Variants in RBMS1 observed in about 807,000 individuals in gnomAD.
RBMS1 encodes RNA-binding motif, single-stranded-interacting protein 1.
RBMS1 carries 17 observed loss-of-function variants against 62.3 expected under a neutral mutation model. The observed-to-expected ratio is 0.27, with a 90% CI of 0.19 to 0.41. RBMS1 has a LOEUF of 0.41. Among genes scored for constraint, RBMS1 ranks in the 10% least tolerant of loss-of-function variants. The pLI is 1.00. For missense variants in RBMS1, 334 were observed against 504.5 expected (o/e 0.66, Z 3.24); for synonymous variants, 172 against 170.0 (o/e 1.01, Z -0.09).
At chr2:160,337,300 A>T (rs1691633905) in intron 2 of RBMS1, among the ~76,000 whole-genome samples, 1 of 151,724 alleles carries the variant, frequency 6.6e-6, no homozygotes, top group South Asian at 2.1e-4. Context: ...CAGCTGGCTA[A>T]TTTTTTGTAT....
chr2:160,474,511 T>A (rs1174849179), intron 1 of RBMS1, among the ~76,000 whole-genome samples: 2 of 152,172 alleles, frequency 1.3e-5, no homozygotes, highest in Non-Finnish European at 2.9e-5. Context: ...AAACACCACC[T>A]CTCAATAGGA....
intron 1 of RBMS1, among the ~76,000 whole-genome samples, chr2:160,381,220 G>C (rs1469230738): frequency 6.6e-6 from 1 of 151,930 alleles, no homozygotes; most frequent in African/African-American, 2.4e-5. Flanking sequence ...TAAAACACTG[G>C]GAACAATGTT....
intron 1 of RBMS1, among the ~76,000 whole-genome samples, chr2:160,377,198 A>C (rs1694047366): frequency 6.6e-6 from 1 of 152,190 alleles, no homozygotes; most frequent in Non-Finnish European, 1.5e-5. Context: ...ACTGAAACGT[A>C]AGTTTTGTGA....
chr2:160,451,152 G>C (rs973074933), intron 1 of RBMS1, among the ~76,000 whole-genome samples: 7 of 112,464 alleles, frequency 6.2e-5, no homozygotes, highest in African/African-American at 2.0e-4. Context: ...GCAAGACCAT[G>C]CTTCAGAAAA....
chr2:160,427,945 T>G (rs1453865447), intron 1 of RBMS1, among the ~76,000 whole-genome samples: 2 of 152,138 alleles, frequency 1.3e-5, no homozygotes, highest in Non-Finnish European at 1.5e-5. Flanking sequence ...GAAATGCAAA[T>G]TCACTTTCAT....
At chr2:160,285,170 T>C in intron 7 of RBMS1, 126 bp from the exon 8 acceptor site, 1 of 872,358 alleles carries the variant, frequency 1.1e-6, no homozygotes, top group Non-Finnish European at 1.9e-6. Flanking sequence ...GGTGGGAAGA[T>C]CCTTTTGAAG....
At position 160,376,110 on chromosome 2, in the gene RBMS1, T is replaced by C. The variant is rs552103917; in HGVS notation, c.76-8719A>G. Among the ~76,000 whole-genome samples the C allele has an allele frequency of 3.3e-5, 5 of 152,286 alleles. No individual in the cohort carries two copies. The South Asian group carries it at 1.0e-3, about 32-fold the overall frequency. On this transcript the variant is annotated intron_variant, in intron 1 of 13. Coordinates refer to ENST00000348849, the MANE Select transcript of RBMS1 (RefSeq NM_016836.4). The stretch of plus-strand genomic sequence containing the variant: ...TGTAAGTAATGAATTACCGCTGAGA[T>C]TGTAAAGTCCTCAGGGTGGAAAATA...
intron 6 of RBMS1, among the ~76,000 whole-genome samples, chr2:160,295,497 A>C (rs1308496645): frequency 2.6e-5 from 4 of 152,252 alleles, no homozygotes; most frequent in African/African-American, 9.6e-5. Flanking sequence ...GTACCCCTGC[A>C]GTAACGCTCT....
chr2:160,453,257 G>T (rs1046182149), intron 1 of RBMS1, among the ~76,000 whole-genome samples: 4 of 151,978 alleles, frequency 2.6e-5, no homozygotes, highest in Non-Finnish European at 5.9e-5. Context: ...AAAGGTTGTG[G>T]TGCTTCCAGA....
intron 9 of RBMS1, chr2:160,283,602 A>G (rs1688217197): frequency 6.6e-6 from 1 of 152,132 alleles, no homozygotes; most frequent in Non-Finnish European, 1.5e-5. Context: ...GTTATTCAAA[A>G]CCATTTTTAT....
chr2:160,278,705 G>A, intron 10 of RBMS1, 47 bp from the exon 11 acceptor site: 1 of 1,203,818 alleles, frequency 8.3e-7, no homozygotes, highest in Non-Finnish European at 1.2e-6. Context: ...TGAGGCAAGA[G>A]TTAAGATCCT....
At chr2:160,301,695 T>C (rs1689217188) in intron 5 of RBMS1, among the ~76,000 whole-genome samples, 3 of 152,226 alleles carry the variant, frequency 2.0e-5, no homozygotes, top group Non-Finnish European at 2.9e-5. Context: ...TTTAGTTTTA[T>C]GATAAAACTA....
At chr2:160,446,683 T>C (rs1185771047) in intron 1 of RBMS1, among the ~76,000 whole-genome samples, 1 of 152,172 alleles carries the variant, frequency 6.6e-6, no homozygotes, top group Non-Finnish European at 1.5e-5. Flanking sequence ...TTATAAGAAA[T>C]TATTTCTGTT....
chr2:160,334,491 T>C (rs185302396), intron 2 of RBMS1, among the ~76,000 whole-genome samples: 10 of 152,312 alleles, frequency 6.6e-5, no homozygotes, highest in African/African-American at 2.4e-4. Flanking sequence ...AAATGACTCA[T>C]CTTTCCCCAC....
intron 1 of RBMS1, among the ~76,000 whole-genome samples, chr2:160,470,327 G>A (rs1684865570): frequency 1.3e-5 from 2 of 152,024 alleles, no homozygotes; most frequent in Admixed American, 6.5e-5. Flanking sequence ...ACATCAATTT[G>A]TTGTCCTCTT....
At chr2:160,282,203 TC>T in intron 9 of RBMS1, 1 of 1,344,554 alleles carries the variant, frequency 7.4e-7, no homozygotes, top group Non-Finnish European at 1.0e-6. Context: ...CTTCAGAGGT[TC>T]AACAGAGAGG....
chr2:160,403,695 A>G (rs1440363204), intron 1 of RBMS1, among the ~76,000 whole-genome samples: 1 of 152,176 alleles, frequency 6.6e-6, no homozygotes, highest in Non-Finnish European at 1.5e-5. Flanking sequence ...CACATGCAGA[A>G]AAATTTTGCA....
At chr2:160,296,392 G>A (rs1378213758) in intron 6 of RBMS1, among the ~76,000 whole-genome samples, 6 of 152,168 alleles carry the variant, frequency 3.9e-5, no homozygotes, top group African/African-American at 1.2e-4. Flanking sequence ...TACAAGATCA[G>A]GTGTAGCCTG....
chr2:160,354,545 G>A (rs967710478), intron 2 of RBMS1, among the ~76,000 whole-genome samples: 1 of 152,078 alleles, frequency 6.6e-6, no homozygotes, highest in Non-Finnish European at 1.5e-5. Flanking sequence ...CTGTCCAAAT[G>A]GGCTAGCAGG....
Sources: allele counts gnomAD v4.1 joint callset (sites outside exome capture counted in the v4.1 genomes callset), GRCh38; gene constraint gnomAD v4.1.1; transcripts MANE v1.5; gene names NCBI Gene and HGNC (gene_info 2026-07-23, HGNC 2026-07-21).